NRXN3: variants seen among roughly 807,000 people sequenced by gnomAD.
The protein encoded by NRXN3 is neurexin 3.
A neutral mutation model predicts 137.6 loss-of-function variants in NRXN3; 32 were observed. That is an observed-to-expected ratio of 0.23 (90% CI 0.18 to 0.31). The LOEUF is 0.31. Ranked by LOEUF, NRXN3 falls within the 10% of genes least tolerant of loss-of-function variation. The pLI is 1.00. For synonymous variants in NRXN3, 798 were observed against 784.5 expected (o/e 1.02, Z -0.29); for missense variants, 1,574 against 2,062.5 (o/e 0.76, Z 4.59).
At chr14:79,805,648 A>C (rs1339218248) in intron 20 of NRXN3, among the ~76,000 whole-genome samples, 1 of 152,186 alleles carries the variant, frequency 6.6e-6, no homozygotes, top group African/African-American at 2.4e-5. Flanking sequence ...CTTAAAACTC[A>C]TGAATTATTC....
intron 4 of NRXN3, among the ~76,000 whole-genome samples, chr14:78,429,912 A>T (rs532897157): frequency 1.2e-4 from 18 of 152,364 alleles, no homozygotes; most frequent in Admixed American, 2.6e-4. Flanking sequence ...TTCTACAAAG[A>T]TTCCTACTGA....
chr14:79,100,107 C>T (rs10139370), intron 15 of NRXN3, among the ~76,000 whole-genome samples: 146,518 of 152,324 alleles, frequency 0.96, 70,602 homozygotes, highest in Middle Eastern at 0.99. Flanking sequence ...TTATTTCCTG[C>T]AAGTGGTTTA....
intron 15 of NRXN3, among the ~76,000 whole-genome samples, chr14:79,430,705 C>G (rs1018239999): frequency 1.4e-4 from 21 of 152,138 alleles, no homozygotes; most frequent in African/African-American, 4.6e-4. Context: ...GATCCAGGTA[C>G]CACATAACTG....
chr14:79,557,058 A>G lies in NRXN3; in HGVS notation c.3444+89656A>G, dbSNP rs1314702379. Among the ~76,000 whole-genome samples, 3 of 151,732 alleles carry G rather than the reference A, an allele frequency of 2.0e-5. No homozygotes were observed. In the East Asian group the frequency reaches 5.8e-4, roughly 30 times the overall value. ...CTCTGCAGGGTTGACATTGAGTTGG[A>G]CCTTAAGATATATTCAAGGCTAGTT... is the stretch of plus-strand genomic sequence containing the variant. On this transcript the variant is annotated intron_variant, in intron 16 of 20. Transcript: ENST00000335750.
chr14:79,267,515 ACC>A (rs887765191), intron 15 of NRXN3, among the ~76,000 whole-genome samples: 1 of 151,850 alleles, frequency 6.6e-6, no homozygotes, highest in African/African-American at 2.4e-5. Context: ...GCACCACCAC[ACC>A]CAGCTAAGTT....
Position 79,628,335 on chromosome 14 carries a change from T to G in NRXN3, c.3445-35443T>G, listed in dbSNP as rs190655723. Among the ~76,000 whole-genome samples the G allele has an allele frequency of 3.3e-3, 497 of 152,344 alleles. 1 individual carries two copies. The highest frequency in any genetic ancestry group is 4.9e-3 in the Non-Finnish European group (330 of 68,022). On this transcript the variant is annotated intron_variant, in intron 16 of 20. Transcript: ENST00000335750. The stretch of plus-strand genomic sequence containing the variant: ...TTTGCTAGGCACAAGTTAAGACCTG[T>G]ATTGTTTTCTCCTAACAGTTCCTAT...
chr14:79,520,513 C>T (rs934431150), intron 16 of NRXN3, among the ~76,000 whole-genome samples: 1 of 152,106 alleles, frequency 6.6e-6, no homozygotes. Flanking sequence ...TCTCATTGTT[C>T]AACTCCCACT....
chr14:79,634,574 T>G (rs2098388599), intron 16 of NRXN3, among the ~76,000 whole-genome samples: 1 of 152,176 alleles, frequency 6.6e-6, no homozygotes, highest in African/African-American at 2.4e-5. Flanking sequence ...AAACATAAAG[T>G]TGACTTGATC....
At chr14:79,719,307 GTGTA>G (rs2098834819) in intron 19 of NRXN3, among the ~76,000 whole-genome samples, 1 of 147,608 alleles carries the variant, frequency 6.8e-6, no homozygotes, top group Non-Finnish European at 1.5e-5. Context: ...GTATATGTAT[GTGTA>G]TGTATACACG....
At chr14:78,538,840 T>A (rs1169817680) in intron 4 of NRXN3, among the ~76,000 whole-genome samples, 1 of 152,248 alleles carries the variant, frequency 6.6e-6, no homozygotes, top group Non-Finnish European at 1.5e-5. Context: ...TTGAATTTTG[T>A]GGAAGGCCTT....
chr14:79,007,612 T>C (rs1356309880), intron 15 of NRXN3, among the ~76,000 whole-genome samples: 1 of 151,858 alleles, frequency 6.6e-6, no homozygotes, highest in East Asian at 1.9e-4. Flanking sequence ...GAGACCATCC[T>C]GGCTAACACG....
intron 4 of NRXN3, among the ~76,000 whole-genome samples, chr14:78,397,057 G>C (rs772760843): frequency 6.6e-6 from 1 of 152,156 alleles, no homozygotes; most frequent in Non-Finnish European, 1.5e-5. Flanking sequence ...CTATCTCCAA[G>C]TACAGTTACG....
At chr14:79,846,164 A>G (rs2099370613) in intron 20 of NRXN3, among the ~76,000 whole-genome samples, 2 of 152,174 alleles carry the variant, frequency 1.3e-5, no homozygotes, top group Admixed American at 1.3e-4. Context: ...AGGCAGGTAG[A>G]AAAATGGTGC....
chr14:79,444,833 A>G lies in NRXN3; in HGVS notation c.3263-22388A>G, dbSNP rs1402563007. Among the ~76,000 whole-genome samples the G allele has an allele frequency of 4.6e-5, 7 of 152,300 alleles. 1 individual carries two copies. In the East Asian group the frequency reaches 1.4e-3, roughly 29 times the overall value. On this transcript the variant is annotated intron_variant, in intron 15 of 20. Coordinates refer to ENST00000335750, the MANE Select transcript of NRXN3 (RefSeq NM_001330195.2). ...AGAGTCAGACCTTGTCTCTAAAAAA[A>G]TAAATTTAAAAATAACATTAATTAA...
chr14:78,732,844 G>C (rs746477597), intron 8 of NRXN3, among the ~76,000 whole-genome samples: 2 of 152,158 alleles, frequency 1.3e-5, no homozygotes, highest in Non-Finnish European at 2.9e-5. Flanking sequence ...GGCCAGAAAA[G>C]GTTAGTGGGA....
At position 78,392,496 on chromosome 14, in the gene NRXN3, G is replaced by A. The variant is rs147154440; in HGVS notation, c.757+94636G>A. 5.9e-5 allele frequency among the ~76,000 whole-genome samples: 9 copies of A among 152,280 alleles called. No homozygotes were observed. In the East Asian group the frequency reaches 1.4e-3, roughly 23 times the overall value. On this transcript the variant is annotated intron_variant, in intron 4 of 20. Coordinates refer to ENST00000335750, the MANE Select transcript of NRXN3 (RefSeq NM_001330195.2). ...CCTCGAGTAGTGGCTAAGACTGGGG[G>A]CTACAGGGCCAGAGGGCCTAGATTT... is the stretch of plus-strand genomic sequence containing the variant.
intron 15 of NRXN3, among the ~76,000 whole-genome samples, chr14:79,423,774 G>A (rs970768361): frequency 6.6e-5 from 10 of 152,206 alleles, no homozygotes; most frequent in Middle Eastern, 3.2e-3. Context: ...GGTAAACATG[G>A]CATGGACAGG....
At chr14:79,484,710 A>G (rs533853629) in intron 16 of NRXN3, among the ~76,000 whole-genome samples, 1 of 152,280 alleles carries the variant, frequency 6.6e-6, no homozygotes, top group Admixed American at 6.5e-5. Flanking sequence ...CACATATTAT[A>G]TGTAAACAGC....
intron 16 of NRXN3, among the ~76,000 whole-genome samples, chr14:79,573,399 C>T (rs773321630): frequency 1.3e-5 from 2 of 152,096 alleles, no homozygotes; most frequent in Admixed American, 1.3e-4. Flanking sequence ...GGGCAGCTGC[C>T]TTATAGCTTC....
Sources: gnomAD v4.1 joint callset for allele counts (sites outside exome capture counted in the v4.1 genomes callset) on GRCh38, gnomAD v4.1.1 for gene constraint, MANE v1.5 for transcripts, NCBI Gene and HGNC (gene_info 2026-07-23, HGNC 2026-07-21) for gene names.